Variants in GRAMD2A observed in about 807,000 individuals in gnomAD.
The protein encoded by GRAMD2A is GRAM domain-containing protein 2A.
In GRAMD2A, 37 loss-of-function variants were observed where a neutral mutation model predicts 51.1. The ratio of observed to expected loss-of-function variants is 0.72; its 90% confidence interval spans 0.56 to 0.95. The LOEUF is 0.95. Among genes scored for constraint, GRAMD2A ranks in the 40% least tolerant of loss-of-function variants. The probability of loss-of-function intolerance (pLI) is 0.00; values close to 1 mark genes in which losing one functional copy is unlikely to be tolerated. For synonymous variants in GRAMD2A, 136 were observed against 157.1 expected (o/e 0.87, Z 1.01); for missense variants, 414 against 426.9 (o/e 0.97, Z 0.27).
intron 1 of GRAMD2A, among the ~76,000 whole-genome samples, chr15:72,180,814 G>A (rs932484888): frequency 1.3e-5 from 2 of 152,274 alleles, no homozygotes; most frequent in Non-Finnish European, 2.9e-5. Context: ...GCAAAGGGGC[G>A]AGAAAGTCAC....
In GRAMD2A at chr15:72,163,768, A is replaced by G. The variant is rs2081509133; in HGVS notation, c.601-11T>C. 6.2e-7 allele frequency: 1 copy of G among 1,607,964 alleles called. No homozygotes were observed. The highest frequency in any genetic ancestry group is 2.2e-5 in the East Asian group (1 of 44,854). ...AGGGATGAGGACTTCCTGCAGTAAG[A>G]CAGGAGAAGCTATCTTACCATGGCC... On this transcript the variant is annotated splice_polypyrimidine_tract_variant and intron_variant, in intron 8 of 11. Coordinates refer to ENST00000309731, the MANE Select transcript of GRAMD2A (RefSeq NM_001012642.3).
intron 1 of GRAMD2A, among the ~76,000 whole-genome samples, chr15:72,195,272 A>C (rs2081796659): frequency 6.6e-6 from 1 of 152,192 alleles, no homozygotes; most frequent in South Asian, 2.1e-4. Context: ...TTATGGTGTA[A>C]AGCAGGCCCA....
intron 8 of GRAMD2A, 95 bp downstream of exon 8, chr15:72,165,259 A>C (rs942838740): frequency 2.8e-5 from 30 of 1,086,246 alleles, no homozygotes; most frequent in Non-Finnish European, 4.2e-5. Context: ...CTGGTGCCCC[A>C]GTTCTGCATT....
chr15:72,169,495 G>A (rs1480224539), intron 2 of GRAMD2A: 1 of 535,086 alleles, frequency 1.9e-6, no homozygotes, highest in Non-Finnish European at 3.6e-6. Flanking sequence ...CCTGAGCTCT[G>A]CTGCGGGGAG....
At position 72,161,087 on chromosome 15, in the gene GRAMD2A, G is replaced by A. The variant is rs893888358; in HGVS notation, c.*922C>T. The A allele has an allele frequency of 3.3e-5, 5 of 152,360 alleles. No homozygotes were observed. The highest frequency in any genetic ancestry group is 6.5e-5 in the Admixed American group (1 of 15,276). 9.4% of individuals were successfully genotyped at this position (152,360 alleles called of 1,614,324 possible). On this transcript the variant is annotated 3_prime_UTR_variant, in exon 12 of 12. Transcript: ENST00000309731. ...CTGCTGTTGGCCATGCCTGAGATGCGGGCAGGCAGGCAGGGAGTGGACAGC... is the reference window on the plus strand; with the variant it reads ...CTGCTGTTGGCCATGCCTGAGATGCAGGCAGGCAGGCAGGGAGTGGACAGC...
chr15:72,165,132 C>G (rs1322097074), intron 8 of GRAMD2A, among the ~76,000 whole-genome samples: 2 of 152,216 alleles, frequency 1.3e-5, no homozygotes, highest in Non-Finnish European at 2.9e-5. Context: ...TAGCAAGACT[C>G]TGTCGTCCAA....
At chr15:72,197,271 G>A (rs2081813824) in intron 1 of GRAMD2A, among the ~76,000 whole-genome samples, 1 of 152,224 alleles carries the variant, frequency 6.6e-6, no homozygotes, top group African/African-American at 2.4e-5. Flanking sequence ...TCGGCGGCGA[G>A]AGGAAACAGT....
chr15:72,178,745 T>G (rs1242196230), intron 1 of GRAMD2A, among the ~76,000 whole-genome samples: 1 of 151,904 alleles, frequency 6.6e-6, no homozygotes, highest in African/African-American at 2.4e-5. Flanking sequence ...CGGCTAATTT[T>G]TTGTATTTTT....
Position 72,166,980 on chromosome 15 carries a change from C to T in GRAMD2A, c.471+14G>A. On this transcript the variant is annotated intron_variant, in intron 6 of 11. Transcript: ENST00000309731. This position sits in a 1 kb window ranked among gnomAD's most constrained non-coding sequence, Gnocchi z 4.1. The stretch of plus-strand genomic sequence containing the variant: ...CGGGAGACTGACAAGGGAGCATGGG[C>T]CCAGTGCACTGACCTTCTGGCTGGT... 1 of 1,595,896 alleles carries T rather than the reference C, an allele frequency of 6.3e-7. No individual in the cohort carries two copies. The highest frequency in any genetic ancestry group is 8.6e-7 in the Non-Finnish European group (1 of 1,163,488).
In GRAMD2A at chr15:72,161,027, A is replaced by T. The variant is rs546863698; in HGVS notation, c.*982T>A. 6.6e-6 allele frequency: 1 copy of T among 152,350 alleles called. No individual in the cohort carries two copies. Among genetic ancestry groups the T allele is most frequent in the Admixed American group, 6.5e-5 (1 of 15,302 alleles). The allele number at this position is 152,350 out of a possible 1,614,324, so 9.4% of individuals were successfully genotyped here. ...TGCCCTGTGATGGCTCAACACCATCACACGCAACTGTCCAGACAAGCCCCC... is the reference window on the plus strand; with the variant it reads ...TGCCCTGTGATGGCTCAACACCATCTCACGCAACTGTCCAGACAAGCCCCC... On this transcript the variant is annotated 3_prime_UTR_variant, in exon 12 of 12. Transcript: ENST00000309731.
At chr15:72,183,979 G>A (rs1218936697) in intron 1 of GRAMD2A, among the ~76,000 whole-genome samples, 2 of 152,232 alleles carry the variant, frequency 1.3e-5, no homozygotes, top group Non-Finnish European at 2.9e-5. Flanking sequence ...GAGCACAGCT[G>A]GAAACTCAGT....
intron 3 of GRAMD2A, 94 bp from the exon 4 acceptor site, chr15:72,168,660 G>C: frequency 1.9e-6 from 2 of 1,068,472 alleles, no homozygotes; most frequent in South Asian, 2.5e-5. Flanking sequence ...CAGCCCCCCG[G>C]CCCATGCTGG....
At chr15:72,185,854 A>G (rs530328094) in intron 1 of GRAMD2A, among the ~76,000 whole-genome samples, 1 of 152,376 alleles carries the variant, frequency 6.6e-6, no homozygotes, top group East Asian at 1.9e-4. Flanking sequence ...CACCATTCAC[A>G]AAAAGATAAC....
chr15:72,163,869 G>T, intron 8 of GRAMD2A, 112 bp from the exon 9 acceptor site: 2 of 1,143,296 alleles, frequency 1.7e-6, no homozygotes, highest in Non-Finnish European at 2.5e-6. Flanking sequence ...AAATATAGAT[G>T]CCTAGCCAGG....
chr15:72,183,240 G>A (rs1421135137), intron 1 of GRAMD2A, among the ~76,000 whole-genome samples: 4 of 151,854 alleles, frequency 2.6e-5, no homozygotes, highest in African/African-American at 9.7e-5. Flanking sequence ...ACTCTTGGCC[G>A]GGCGCGGTGG....
intron 1 of GRAMD2A, among the ~76,000 whole-genome samples, chr15:72,184,383 C>CT (rs1301998827): frequency 6.6e-6 from 1 of 152,272 alleles, no homozygotes; most frequent in Non-Finnish European, 1.5e-5. Context: ...CCAGCTGACC[C>CT]TTTGCAGGAG....
intron 8 of GRAMD2A, among the ~76,000 whole-genome samples, chr15:72,164,944 G>A (rs1332887445): frequency 6.6e-6 from 1 of 152,180 alleles, no homozygotes; most frequent in African/African-American, 2.4e-5. Flanking sequence ...TTCGAGATCA[G>A]CTTGGCCAAC....
chr15:72,169,832 G>A lies in GRAMD2A; in HGVS notation c.134+15C>T. 6.3e-7 allele frequency: 1 copy of A among 1,597,772 alleles called. No homozygotes were observed. The highest frequency in any genetic ancestry group is 1.1e-5 in the South Asian group (1 of 90,772). ...CTAGTCTGTGTGTATCTATGACTGG[G>A]AAAGGGGTCCTCACCTGTAGTCCGG... On this transcript the variant is annotated intron_variant, in intron 2 of 11. Transcript: ENST00000309731.
At chr15:72,164,039 T>TGTG (rs2081512595) in intron 8 of GRAMD2A, among the ~76,000 whole-genome samples, 1 of 152,210 alleles carries the variant, frequency 6.6e-6, no homozygotes, top group African/African-American at 2.4e-5. Flanking sequence ...CCAACCCAGA[T>TGTG]ACATGCTCAG....
Sources: gnomAD v4.1 joint callset for allele counts (sites outside exome capture counted in the v4.1 genomes callset) on GRCh38, gnomAD v4.1.1 for gene constraint, Gnocchi (gnomAD v3.1) non-coding constraint, MANE v1.5 for transcripts, NCBI Gene and HGNC (gene_info 2026-07-23, HGNC 2026-07-21) for gene names.